CTNNA3: variants seen among roughly 807,000 people sequenced by gnomAD.
CTNNA3 encodes catenin alpha 3.
CTNNA3 carries 76 observed loss-of-function variants against 95.7 expected under a neutral mutation model. That is an observed-to-expected ratio of 0.79 (90% CI 0.66 to 0.96). The LOEUF is 0.96. CTNNA3 is among the 40% of genes least tolerant of loss of function. The pLI is 0.00. For synonymous variants in CTNNA3, 431 were observed against 374.4 expected (o/e 1.15, Z -1.74); for missense variants, 1,191 against 1,089.8 (o/e 1.09, Z -1.31).
intron 7 of CTNNA3, among the ~76,000 whole-genome samples, chr10:66,904,973 A>T (rs1433680737): frequency 6.6e-6 from 1 of 152,192 alleles, no homozygotes; most frequent in Non-Finnish European, 1.5e-5. Flanking sequence ...CAATTCCTCA[A>T]GGATCTAGAA....
intron 1 of CTNNA3, among the ~76,000 whole-genome samples, chr10:67,711,355 C>A (rs974266132): frequency 5.3e-5 from 8 of 152,060 alleles, no homozygotes; most frequent in Middle Eastern, 3.2e-3. Flanking sequence ...GTTTGGAACT[C>A]CCTAGAAACT....
intron 3 of CTNNA3, among the ~76,000 whole-genome samples, chr10:67,606,061 C>T (rs889602774): frequency 7.2e-5 from 11 of 152,148 alleles, no homozygotes; most frequent in African/African-American, 2.7e-4. Context: ...TTAGCAAAGG[C>T]TTCCTGATTT....
intron 3 of CTNNA3, among the ~76,000 whole-genome samples, chr10:67,559,276 C>A (rs1053681293): frequency 2.6e-5 from 4 of 152,182 alleles, no homozygotes; most frequent in Non-Finnish European, 4.4e-5. Context: ...CGGCTGGGTA[C>A]CCCTCTGAGA....
intron 12 of CTNNA3, among the ~76,000 whole-genome samples, chr10:66,344,795 GCCAGTTGGTA>G (rs2132366689): frequency 6.6e-6 from 1 of 152,124 alleles, no homozygotes; most frequent in Non-Finnish European, 1.5e-5. Flanking sequence ...GATTTAGAAA[GCCAGTTGGTA>G]TAAATATGGC....
chr10:66,393,036 A>C (rs187882243), intron 11 of CTNNA3, among the ~76,000 whole-genome samples: 47 of 152,298 alleles, frequency 3.1e-4, no homozygotes, highest in African/African-American at 1.1e-3. Context: ...TGGAACGCTC[A>C]GTCAATGGAA....
chr10:67,043,139 T>C (rs1010961305), intron 7 of CTNNA3, among the ~76,000 whole-genome samples: 5 of 150,108 alleles, frequency 3.3e-5, no homozygotes, highest in African/African-American at 9.8e-5. Context: ...TTCTTTCTTT[T>C]TTTTTTTTTT....
intron 5 of CTNNA3, among the ~76,000 whole-genome samples, chr10:67,459,521 T>C (rs1847299022): frequency 6.6e-6 from 1 of 152,212 alleles, no homozygotes; most frequent in South Asian, 2.1e-4. Flanking sequence ...CTTTGATGAA[T>C]GTTTTATAAG....
At chr10:66,945,592 C>T (rs1848232457) in intron 7 of CTNNA3, among the ~76,000 whole-genome samples, 1 of 152,176 alleles carries the variant, frequency 6.6e-6, no homozygotes, top group South Asian at 2.1e-4. Flanking sequence ...TGGAGTAGCA[C>T]TTTTCATTTT....
intron 7 of CTNNA3, among the ~76,000 whole-genome samples, chr10:67,168,503 C>A (rs544929534): frequency 3.3e-5 from 5 of 152,256 alleles, no homozygotes; most frequent in African/African-American, 1.2e-4. Flanking sequence ...AAATATCACT[C>A]ATCACATAAA....
intron 9 of CTNNA3, among the ~76,000 whole-genome samples, chr10:66,737,173 A>G (rs1016529962): frequency 2.6e-5 from 4 of 152,122 alleles, no homozygotes; most frequent in Non-Finnish European, 1.5e-5. Flanking sequence ...AACACACACT[A>G]GTGTAAAATA....
intron 7 of CTNNA3, among the ~76,000 whole-genome samples, chr10:66,952,472 G>A (rs1366274259): frequency 5.3e-5 from 8 of 152,092 alleles, no homozygotes; most frequent in East Asian, 1.9e-4. Flanking sequence ...AGGGTATGCC[G>A]TCTTGTTTTT....
At chr10:67,459,489 CT>C (rs1847297439) in intron 5 of CTNNA3, among the ~76,000 whole-genome samples, 1 of 152,148 alleles carries the variant, frequency 6.6e-6, no homozygotes, top group African/African-American at 2.4e-5. Context: ...ATATTTTCAT[CT>C]TTTCAAGCCA....
In CTNNA3 at chr10:66,387,250, GA is replaced by G. The variant is rs964668457; in HGVS notation, c.1532-7899del. ...ACAAAGAACTCAAACCAATTTACTA[GA>G]AAAAAAAACAAGTCCATCAAAAAGT... On this transcript the variant is annotated intron_variant, in intron 11 of 17. Coordinates refer to ENST00000433211, the MANE Select transcript of CTNNA3 (RefSeq NM_013266.4). 1.3e-4 allele frequency among the ~76,000 whole-genome samples: 20 copies of G among 149,298 alleles called. No homozygotes were observed. The South Asian group carries it at 3.0e-3, about 22-fold the overall frequency.
chr10:66,938,578 G>A (rs1265590012), intron 7 of CTNNA3, among the ~76,000 whole-genome samples: 1 of 152,104 alleles, frequency 6.6e-6, no homozygotes, highest in Admixed American at 6.6e-5. Flanking sequence ...AGAAGCGATC[G>A]GTCTTGCTGT....
At chr10:67,731,785 T>A (rs1388103353) in intron 1 of CTNNA3, among the ~76,000 whole-genome samples, 4 of 146,384 alleles carry the variant, frequency 2.7e-5, no homozygotes, top group African/African-American at 1.0e-4. Context: ...CTGGGCAACG[T>A]GCAAGACTCC....
At chr10:67,104,613 T>C (rs1858525309) in intron 7 of CTNNA3, among the ~76,000 whole-genome samples, 1 of 152,012 alleles carries the variant, frequency 6.6e-6, no homozygotes, top group South Asian at 2.1e-4. Flanking sequence ...CAGGAGCTTT[T>C]TATTAAACCA....
At chr10:67,372,476 T>A (rs1055410498) in intron 5 of CTNNA3, among the ~76,000 whole-genome samples, 1 of 152,068 alleles carries the variant, frequency 6.6e-6, no homozygotes, top group African/African-American at 2.4e-5. Context: ...TGGGACTATG[T>A]GAAAAGACCA....
intron 5 of CTNNA3, among the ~76,000 whole-genome samples, chr10:67,468,058 C>T (rs188917481): frequency 7.9e-5 from 12 of 151,430 alleles, no homozygotes; most frequent in African/African-American, 2.4e-4. Context: ...GAGGTACACA[C>T]GTGGGTTTGT....
At chr10:66,676,674 T>C (rs764504884) in intron 9 of CTNNA3, among the ~76,000 whole-genome samples, 1 of 152,096 alleles carries the variant, frequency 6.6e-6, no homozygotes, top group African/African-American at 2.4e-5. Context: ...TTGTTAGTAA[T>C]GCCATATTTT....
Sources: gnomAD v4.1 joint callset for allele counts (sites outside exome capture counted in the v4.1 genomes callset) on GRCh38, gnomAD v4.1.1 for gene constraint, MANE v1.5 for transcripts, NCBI Gene and HGNC (gene_info 2026-07-23, HGNC 2026-07-21) for gene names.